Variants in ARHGAP24 observed in about 807,000 individuals in gnomAD.
ARHGAP24 encodes rho GTPase-activating protein 24.
ARHGAP24 carries 50 observed loss-of-function variants against 76.4 expected under a neutral mutation model. The observed-to-expected ratio is 0.65, with a 90% CI of 0.52 to 0.83. ARHGAP24 has a LOEUF of 0.83. Ranked by LOEUF, ARHGAP24 falls within the 40% of genes least tolerant of loss-of-function variation. The probability of loss-of-function intolerance (pLI) is 0.00; values close to 1 mark genes in which losing one functional copy is unlikely to be tolerated. For missense variants in ARHGAP24, 930 were observed against 914.2 expected, an observed-to-expected ratio of 1.02 and a Z score of -0.22; for synonymous variants, 345 against 323.3, an observed-to-expected ratio of 1.07 and a Z score of -0.72.
At chr4:85,834,247 C>A (rs953252660) in intron 3 of ARHGAP24, among the ~76,000 whole-genome samples, 2 of 152,118 alleles carry the variant, frequency 1.3e-5, no homozygotes, top group African/African-American at 4.8e-5. Context: ...ATGAAGACCT[C>A]ATTATCATTA....
In ARHGAP24 at chr4:85,947,606, A is replaced by G. The variant is rs1350969717; in HGVS notation, c.599+5333A>G. Among the ~76,000 whole-genome samples the G allele has an allele frequency of 2.6e-5, 4 of 152,210 alleles. No individual in the cohort carries two copies. The South Asian group carries it at 8.3e-4, about 31-fold the overall frequency. The stretch of plus-strand genomic sequence containing the variant: ...GTGAAAGTGTAGGAATACTACATGG[A>G]TAGACACATGGTGAGTATGCAAACG... On this transcript the variant is annotated intron_variant, in intron 5 of 9. Transcript: ENST00000395184.
In ARHGAP24 at chr4:85,536,277, T is replaced by C. The variant is rs111852066; in HGVS notation, c.-20-34245T>C. ...CACAAAAGAGAAGAATGTGGTGCTA[T>C]GAACACATAAACCCTTCTTCTCAGG... On this transcript the variant is annotated intron_variant, in intron 1 of 9. Coordinates refer to ENST00000395184, the MANE Select transcript of ARHGAP24 (RefSeq NM_001025616.3). 9.7e-3 allele frequency among the ~76,000 whole-genome samples: 1,474 copies of C among 152,268 alleles called. 13 individuals carry two copies. The highest frequency in any genetic ancestry group is 0.019 in the East Asian group (97 of 5,192).
intron 2 of ARHGAP24, among the ~76,000 whole-genome samples, chr4:85,718,108 A>G (rs1048787015): frequency 2.6e-5 from 4 of 152,120 alleles, no homozygotes; most frequent in Non-Finnish European, 5.9e-5. Context: ...AAAGGAATAC[A>G]TTAGGGAGAA....
intron 1 of ARHGAP24, among the ~76,000 whole-genome samples, chr4:85,558,379 A>G (rs1300890094): frequency 6.6e-6 from 1 of 152,244 alleles, no homozygotes; most frequent in East Asian, 1.9e-4. Flanking sequence ...ATTCAGGTGC[A>G]GTAAAGCTAC....
chr4:85,934,954 A>G (rs1318907549), intron 4 of ARHGAP24, among the ~76,000 whole-genome samples: 2 of 152,144 alleles, frequency 1.3e-5, no homozygotes, highest in Non-Finnish European at 2.9e-5. Flanking sequence ...TTCATTCCCA[A>G]AGTGGAGAAT....
In ARHGAP24 at chr4:86,000,449, ACCCCCCACCCC is replaced by A; in HGVS notation, c.2004-25_2004-15del. The A allele has an allele frequency of 1.8e-5, 7 of 383,160 alleles. No individual in the cohort carries two copies. The highest frequency in any genetic ancestry group is 2.9e-5 in the African/African-American group (1 of 34,260). The allele number at this position is 383,160 out of a possible 1,614,324, so 23.7% of individuals were successfully genotyped here. A position where few individuals can be genotyped will look rare whatever the true frequency, so the allele number is the denominator to read the frequency against. On this transcript the variant is annotated intron_variant, in intron 9 of 9. Coordinates refer to ENST00000395184, the MANE Select transcript of ARHGAP24 (RefSeq NM_001025616.3). ...CTTTATCTCTTACTCTTGCGTCCCC[ACCCCCCACCCC>A]CCCCAACATCCTTTGTAGCTTAGAA... is the stretch of plus-strand genomic sequence containing the variant.
chr4:85,632,169 A>G (rs1321576381), intron 2 of ARHGAP24, among the ~76,000 whole-genome samples: 3 of 151,408 alleles, frequency 2.0e-5, no homozygotes, highest in African/African-American at 7.3e-5. Flanking sequence ...GAACTTTATC[A>G]CCTCATGATT....
chr4:85,682,366 A>G (rs749212978), intron 2 of ARHGAP24, among the ~76,000 whole-genome samples: 1 of 152,228 alleles, frequency 6.6e-6, no homozygotes, highest in Non-Finnish European at 1.5e-5. Flanking sequence ...TTTGAATGAG[A>G]ATAGCCAGTG....
At chr4:85,526,703 T>C (rs1194342103) in intron 1 of ARHGAP24, among the ~76,000 whole-genome samples, 3 of 152,140 alleles carry the variant, frequency 2.0e-5, no homozygotes, top group Non-Finnish European at 4.4e-5. Context: ...GAGATTGCTT[T>C]AGTTAGCCAC....
intron 3 of ARHGAP24, among the ~76,000 whole-genome samples, chr4:85,867,519 T>G (rs1260264680): frequency 1.3e-5 from 2 of 152,218 alleles, no homozygotes; most frequent in East Asian, 1.9e-4. Context: ...TGATTTAAAT[T>G]TTTTTCTTTT....
chr4:85,866,373 T>G (rs549261626), intron 3 of ARHGAP24, among the ~76,000 whole-genome samples: 1 of 152,204 alleles, frequency 6.6e-6, no homozygotes, highest in East Asian at 1.9e-4. Context: ...AGAAAAACCT[T>G]AAAGGGGCAT....
chr4:85,553,592 A>G (rs557529290), intron 1 of ARHGAP24, among the ~76,000 whole-genome samples: 1 of 152,200 alleles, frequency 6.6e-6, no homozygotes, highest in African/African-American at 2.4e-5. Context: ...TGGTGCATTT[A>G]CAAACCTTTA....
rs1199796194 is a variant in ARHGAP24, at chr4:85,973,833, G to GTTTTTTTTTTTTTTTTTTT, written c.733-1046_733-1028dup. 2.1e-4 allele frequency among the ~76,000 whole-genome samples: 9 copies of GTTTTTTTTTTTTTTTTTTT among 42,824 alleles called. 3 individuals are homozygous for GTTTTTTTTTTTTTTTTTTT. Among genetic ancestry groups the GTTTTTTTTTTTTTTTTTTT allele is most frequent in the East Asian group, 7.5e-4 (1 of 1,334 alleles). The allele number at this position is 42,824 out of a possible 152,430, so 28.1% of individuals were successfully genotyped here. ...CTCATGTCAAAAACTGCTGCCTATT[G>GTTTTTTTTTTTTTTTTTTT]TTTTTTTTTTTTTTTTTTTTTTTTT... On this transcript the variant is annotated intron_variant, in intron 6 of 9. Transcript: ENST00000395184.
intron 3 of ARHGAP24, among the ~76,000 whole-genome samples, chr4:85,769,199 G>A (rs1182259413): frequency 6.6e-6 from 1 of 152,180 alleles, no homozygotes; most frequent in Non-Finnish European, 1.5e-5. Flanking sequence ...TTATTTCCTA[G>A]CAGTTTCTCC....
chr4:85,837,880 G>T (rs1341428077), intron 3 of ARHGAP24, among the ~76,000 whole-genome samples: 1 of 152,140 alleles, frequency 6.6e-6, no homozygotes, highest in Non-Finnish European at 1.5e-5. Context: ...GAGTCCTATA[G>T]TTTAGATTCC....
chr4:85,860,941 C>T (rs1731854498), intron 3 of ARHGAP24, among the ~76,000 whole-genome samples: 1 of 151,444 alleles, frequency 6.6e-6, no homozygotes, highest in African/African-American at 2.4e-5. Context: ...TAATATCTAT[C>T]TTCTCCCTTT....
At chr4:85,917,094 G>C (rs952431561) in intron 3 of ARHGAP24, among the ~76,000 whole-genome samples, 1 of 151,880 alleles carries the variant, frequency 6.6e-6, no homozygotes, top group African/African-American at 2.4e-5. Flanking sequence ...CCCAAAGTGT[G>C]ATGTTCCCCT....
chr4:85,495,740 A>G (rs933613061), intron 1 of ARHGAP24, among the ~76,000 whole-genome samples: 1 of 152,192 alleles, frequency 6.6e-6, no homozygotes, highest in Admixed American at 6.5e-5. Flanking sequence ...ACAGTGTATC[A>G]GAATGTAATA....
intron 2 of ARHGAP24, among the ~76,000 whole-genome samples, chr4:85,599,603 T>A (rs561057825): frequency 3.3e-5 from 5 of 152,162 alleles, no homozygotes; most frequent in Non-Finnish European, 7.4e-5. Context: ...TGTAACAGCA[T>A]GGCACCTCAT....
Sources: allele counts gnomAD v4.1 joint callset (sites outside exome capture counted in the v4.1 genomes callset), GRCh38; gene constraint gnomAD v4.1.1; transcripts MANE v1.5; gene names NCBI Gene and HGNC (gene_info 2026-07-23, HGNC 2026-07-21).